Variants in GATA4 observed in about 807,000 individuals in gnomAD.
GATA4 encodes the protein GATA binding protein 4, also known as transcription factor GATA-4.
Under a neutral mutation model 37.9 loss-of-function variants are expected in GATA4, and 7 were observed. That is an observed-to-expected ratio of 0.18 (90% CI 0.11 to 0.35). The LOEUF is 0.35. Among genes scored for constraint, GATA4 ranks in the 10% least tolerant of loss-of-function variants. The pLI, the probability that GATA4 is intolerant of heterozygous loss-of-function variation, is 1.00. For missense variants in GATA4, 647 were observed against 653.0 expected, an observed-to-expected ratio of 0.99 and a Z score of 0.10; for synonymous variants, 372 against 292.6, an observed-to-expected ratio of 1.27 and a Z score of -2.77.
intron 2 of GATA4, among the ~76,000 whole-genome samples, chr8:11,720,021 A>G (rs1800597741): frequency 6.6e-6 from 1 of 152,052 alleles, no homozygotes; most frequent in Admixed American, 6.5e-5. Flanking sequence ...CTGCTATTTG[A>G]AAAGGGGTGA....
chr8:11,740,949 G>C (rs1018387383), intron 2 of GATA4, among the ~76,000 whole-genome samples: 1 of 152,008 alleles, frequency 6.6e-6, no homozygotes, highest in African/African-American at 2.4e-5. Context: ...GGCCAGGCTG[G>C]CCTTGAACTC....
intron 1 of GATA4, among the ~76,000 whole-genome samples, chr8:11,678,476 T>C (rs1317923038): frequency 6.6e-6 from 1 of 152,224 alleles, no homozygotes; most frequent in Non-Finnish European, 1.5e-5. Context: ...TGCTAATGTT[T>C]TCCCAGGGCT....
intron 1 of GATA4, among the ~76,000 whole-genome samples, chr8:11,694,961 C>T (rs546885864): frequency 6.6e-6 from 1 of 152,294 alleles, no homozygotes; most frequent in African/African-American, 2.4e-5. Context: ...GTGTGATGTC[C>T]ACTAGACTAT....
chr8:11,701,601 C>T (rs1483470086), upstream of GATA4, among the ~76,000 whole-genome samples: 4 of 151,918 alleles, frequency 2.6e-5, no homozygotes, highest in African/African-American at 9.7e-5. Flanking sequence ...GAGCGGAGAG[C>T]GAAGGAGGAA....
intron 1 of GATA4, chr8:11,680,734 G>C: frequency 1.0e-6 from 1 of 985,314 alleles, no homozygotes; most frequent in Non-Finnish European, 1.2e-6. Context: ...TACCCTGGGC[G>C]GCGAGGAGAG....
chr8:11,697,438 T>G lies in GATA4; in HGVS notation c.-728-3070T>G, dbSNP rs1034378361. 3 of 512,410 alleles carry G rather than the reference T, an allele frequency of 5.9e-6. No homozygotes were observed. In the African/African-American group the frequency reaches 6.3e-5, roughly 11 times the overall value. 31.7% of individuals were successfully genotyped at this position (512,410 alleles called of 1,614,324 possible). On this transcript the variant is annotated intron_variant, in intron 1 of 2. Transcript: ENST00000526974. ...CTGTTGTTACAAGAAACCGATGATT[T>G]CTAACAATAGGAACCTCCCAGCTGG...
chr8:11,682,402 C>CT (rs1261049505), intron 1 of GATA4, among the ~76,000 whole-genome samples: 1 of 152,108 alleles, frequency 6.6e-6, no homozygotes, highest in South Asian at 2.1e-4. Context: ...AACAATTCGT[C>CT]TTTTTTGTAG....
rs1802748409 is a variant in GATA4, at chr8:11,758,964, A to C, written c.*489A>C. ...CGCTTGAGGCATGGCACCGCCCTGC[A>C]TCCCTAATACCAAATCTGACTCCAA... On this transcript the variant is annotated 3_prime_UTR_variant, in exon 7 of 7. Transcript: ENST00000532059. The C allele has an allele frequency of 4.1e-6, 1 of 243,218 alleles. No homozygotes were observed. Among genetic ancestry groups the C allele is most frequent in the Non-Finnish European group, 8.2e-6 (1 of 122,616 alleles). The allele number at this position is 243,218 out of a possible 1,614,324, so 15.1% of individuals were successfully genotyped here.
In GATA4 at chr8:11,679,144, G is replaced by A. The variant is rs189737931; in HGVS notation, c.-274+2081G>A. On this transcript the variant is annotated intron_variant, in intron 1 of 6. Transcript: ENST00000528712. ...ATCTCCAATTGTCTAAACACTACAC[G>A]AAGTGGAGATTCGAGGCAATTATCC... 5.4e-3 allele frequency among the ~76,000 whole-genome samples: 765 copies of A among 140,386 alleles called. 3 individuals are homozygous for A. Among genetic ancestry groups the A allele is most frequent in the Admixed American group, 0.011 (154 of 13,592 alleles). 92.1% of individuals were successfully genotyped at this position (140,386 alleles called of 152,430 possible). A position where few individuals can be genotyped will look rare whatever the true frequency, so the allele number is the denominator to read the frequency against.
In GATA4 at chr8:11,741,122, A is replaced by T. The variant is rs368348156; in HGVS notation, c.617-7794A>T. 6.6e-5 allele frequency among the ~76,000 whole-genome samples: 10 copies of T among 152,294 alleles called. No homozygotes were observed. In the South Asian group the frequency reaches 1.0e-3, roughly 16 times the overall value. ...CCATTTTCTGGGAGTCTGCATGTTTAGTGTCGAGATGCAGCAAATGAAGTC... is the reference window on the plus strand; with the variant it reads ...CCATTTTCTGGGAGTCTGCATGTTTTGTGTCGAGATGCAGCAAATGAAGTC... On this transcript the variant is annotated intron_variant, in intron 2 of 6. Transcript: ENST00000532059.
chr8:11,758,272 CG>C lies in GATA4; in HGVS notation c.1150-20del, dbSNP rs777965171. ...TCAGGAGCGTCTCCATGGGCCTCATCGTGTGCTTTCTGCTTTTCAGACGTTC... is the reference window on the plus strand; with the variant it reads ...TCAGGAGCGTCTCCATGGGCCTCATCTGTGCTTTCTGCTTTTCAGACGTTC... On this transcript the variant is annotated intron_variant, in intron 6 of 6. Transcript: ENST00000532059. The C allele has an allele frequency of 1.2e-6, 2 of 1,613,712 alleles. No homozygotes were observed. Among genetic ancestry groups the C allele is most frequent in the Non-Finnish European group, 1.7e-6 (2 of 1,179,908 alleles).
At chr8:11,686,375 A>C (rs1799135662) in intron 1 of GATA4, among the ~76,000 whole-genome samples, 1 of 152,240 alleles carries the variant, frequency 6.6e-6, no homozygotes, top group South Asian at 2.1e-4. Flanking sequence ...ATACCATTTA[A>C]TAATGGTATT....
At chr8:11,744,585 C>T (rs1345964806) in intron 2 of GATA4, among the ~76,000 whole-genome samples, 1 of 152,200 alleles carries the variant, frequency 6.6e-6, no homozygotes, top group East Asian at 1.9e-4. Context: ...TAGTTTGGGA[C>T]TTAGTTAGTG....
chr8:11,745,368 G>C (rs1307169280), intron 2 of GATA4, among the ~76,000 whole-genome samples: 1 of 137,776 alleles, frequency 7.3e-6, no homozygotes, highest in East Asian at 2.1e-4. Context: ...GAGCTTAGGA[G>C]TTCAAGACCA....
upstream of GATA4, among the ~76,000 whole-genome samples, chr8:11,699,661 C>T (rs538472788): frequency 3.4e-3 from 525 of 152,348 alleles, 4 homozygotes; most frequent in African/African-American, 0.012. Flanking sequence ...GGGGCCCCTG[C>T]CTGGACTTGC....
chr8:11,720,239 G>C (rs1188366661), intron 2 of GATA4, among the ~76,000 whole-genome samples: 1 of 151,802 alleles, frequency 6.6e-6, no homozygotes, highest in Non-Finnish European at 1.5e-5. Flanking sequence ...GTTTAAAATC[G>C]AGTGTCTTCC....
Position 11,684,580 on chromosome 8 carries a change from G to C in GATA4, c.-274+7517G>C, listed in dbSNP as rs77279567. On this transcript the variant is annotated intron_variant, in intron 1 of 6. Transcript: ENST00000528712. The stretch of plus-strand genomic sequence containing the variant: ...TTAGACTCCAGTATTAGAATGTTGT[G>C]ATTTGAATTCCATCTCCTCCACTCA... Among the ~76,000 whole-genome samples, 33 of 152,310 alleles carry C rather than the reference G, an allele frequency of 2.2e-4. No homozygotes were observed. In the East Asian group the frequency reaches 6.2e-3, roughly 28 times the overall value.
At chr8:11,736,756 C>T (rs907239177) in intron 2 of GATA4, among the ~76,000 whole-genome samples, 1 of 152,222 alleles carries the variant, frequency 6.6e-6, no homozygotes, top group African/African-American at 2.4e-5. Flanking sequence ...ACAGAAGAAT[C>T]ACTGGTGCAG....
In GATA4 at chr8:11,707,275, A is replaced by G. The variant is rs757984612; in HGVS notation, c.-457-581A>G. The stretch of plus-strand genomic sequence containing the variant: ...CAGAACCCTCTTCAGGAGGCTTAGC[A>G]GACACCGTTGTTCACTTATAAACAT... On this transcript the variant is annotated intron_variant, in intron 1 of 6. Coordinates refer to ENST00000532059, the MANE Select transcript of GATA4 (RefSeq NM_001308093.3). The surrounding 1 kb of genome is among the most constrained non-coding windows in gnomAD (Gnocchi z 4.7). Among the ~76,000 whole-genome samples, 3 of 151,594 alleles carry G rather than the reference A, an allele frequency of 2.0e-5. No individual in the cohort carries two copies. Among genetic ancestry groups the G allele is most frequent in the Non-Finnish European group, 4.4e-5 (3 of 67,954 alleles).
Sources: allele counts gnomAD v4.1 joint callset (sites outside exome capture counted in the v4.1 genomes callset), GRCh38; gene constraint gnomAD v4.1.1; non-coding constraint Gnocchi (gnomAD v3.1); transcripts MANE v1.5; gene names NCBI Gene and HGNC (gene_info 2026-07-23, HGNC 2026-07-21).